The following CADPS2 variants were observed in gnomAD, a reference collection of about 807,000 sequenced individuals.
The protein encoded by CADPS2 is calcium-dependent secretion activator 2.
In CADPS2, 93 loss-of-function variants were observed where a neutral mutation model predicts 172.5. The observed-to-expected ratio is 0.54, with a 90% confidence interval of 0.46 to 0.64. The LOEUF (loss-of-function observed/expected upper bound fraction) is 0.64, where lower values mean the gene tolerates loss of function less well. CADPS2 is among the 30% of genes least tolerant of loss of function. CADPS2 has a pLI of 0.00. For synonymous variants in CADPS2, 546 were observed against 555.2 expected (o/e 0.98, Z 0.23); for missense variants, 1,420 against 1,565.9 (o/e 0.91, Z 1.57).
At chr7:122,574,443 C>CT (rs1217952757) in intron 7 of CADPS2, among the ~76,000 whole-genome samples, 307 of 28,172 alleles carry the variant, frequency 0.011, 18 homozygotes, top group East Asian at 0.02. Flanking sequence ...GAGACCCTGT[C>CT]TTAAAAAAAA....
At chr7:122,360,424 C>T (rs2039970955) in intron 27 of CADPS2, among the ~76,000 whole-genome samples, 1 of 152,178 alleles carries the variant, frequency 6.6e-6, no homozygotes, top group Admixed American at 6.5e-5. Flanking sequence ...TATCATTATT[C>T]TACCTTCTAT....
At chr7:122,877,905 T>C (rs1821646359) in intron 1 of CADPS2, among the ~76,000 whole-genome samples, 1 of 152,162 alleles carries the variant, frequency 6.6e-6, no homozygotes, top group Admixed American at 6.5e-5. Flanking sequence ...AAAGACGAAG[T>C]GCCTTGTTCA....
chr7:122,774,110 CTTTTCAATTACA>C (rs1171497573), intron 1 of CADPS2, among the ~76,000 whole-genome samples: 1 of 151,938 alleles, frequency 6.6e-6, no homozygotes, highest in Non-Finnish European at 1.5e-5. Flanking sequence ...GAAAGAATAA[CTTTTCAATTACA>C]TTTTCAATTT....
Position 122,357,764 on chromosome 7 carries a change from G to C in CADPS2, c.3504+3024C>G, listed in dbSNP as rs895887489. ...CAGCCTTTTCAAATTGGCTACTTTT[G>C]GCAATATGCATTTAAGATTCATCCA... On this transcript the variant is annotated intron_variant, in intron 27 of 29. Transcript: ENST00000449022. 3.9e-5 allele frequency among the ~76,000 whole-genome samples: 6 copies of C among 152,168 alleles called. 1 individual carries two copies. The Middle Eastern group carries it at 0.01, about 259-fold the overall frequency.
chr7:122,823,281 GA>G (rs975222847), intron 1 of CADPS2, among the ~76,000 whole-genome samples: 4 of 152,164 alleles, frequency 2.6e-5, no homozygotes, highest in Admixed American at 6.5e-5. Context: ...ATTTTAGGGG[GA>G]AAAAATCTTC....
chr7:122,873,675 G>A (rs939738398), intron 1 of CADPS2, among the ~76,000 whole-genome samples: 1 of 151,954 alleles, frequency 6.6e-6, no homozygotes, highest in Non-Finnish European at 1.5e-5. Context: ...TAATCCTTTG[G>A]GTATATACCC....
intron 3 of CADPS2, among the ~76,000 whole-genome samples, chr7:122,649,388 G>A (rs2078902633): frequency 6.6e-6 from 1 of 152,098 alleles, no homozygotes; most frequent in Admixed American, 6.6e-5. Context: ...CACCCAACTA[G>A]ACTGTTCCCA....
chr7:122,348,871 C>T (rs960884614), intron 27 of CADPS2, among the ~76,000 whole-genome samples: 2 of 152,052 alleles, frequency 1.3e-5, no homozygotes, highest in African/African-American at 2.4e-5. Flanking sequence ...ATGTAATTTT[C>T]CTTTTAAACA....
At chr7:122,565,686 A>AT (rs1297214574) in intron 7 of CADPS2, among the ~76,000 whole-genome samples, 1 of 152,208 alleles carries the variant, frequency 6.6e-6, no homozygotes, top group East Asian at 1.9e-4. Flanking sequence ...AGAGGTAAAT[A>AT]TTTTTTTCCA....
At chr7:122,871,625 A>T (rs541447900) in intron 1 of CADPS2, among the ~76,000 whole-genome samples, 1 of 152,228 alleles carries the variant, frequency 6.6e-6, no homozygotes, top group African/African-American at 2.4e-5. Flanking sequence ...AATGTCTGAA[A>T]ACGTGGCTTG....
At chr7:122,858,847 A>G (rs1816095214) in intron 1 of CADPS2, among the ~76,000 whole-genome samples, 2 of 152,224 alleles carry the variant, frequency 1.3e-5, no homozygotes, top group African/African-American at 4.8e-5. Context: ...GTGGTATTTA[A>G]GCAAATATGC....
chr7:122,649,457 G>A (rs1588125961), intron 3 of CADPS2, among the ~76,000 whole-genome samples: 1 of 152,146 alleles, frequency 6.6e-6, no homozygotes, highest in Admixed American at 6.5e-5. Flanking sequence ...TGTCAGGCCA[G>A]TGGTCCTCAA....
chr7:122,650,846 A>G (rs1158031103), intron 3 of CADPS2, among the ~76,000 whole-genome samples: 1 of 152,160 alleles, frequency 6.6e-6, no homozygotes, highest in Non-Finnish European at 1.5e-5. Flanking sequence ...AATTAAATCC[A>G]TCCAATTTAC....
At chr7:122,635,271 ATT>A (rs112889293) in intron 3 of CADPS2, among the ~76,000 whole-genome samples, 25 of 149,106 alleles carry the variant, frequency 1.7e-4, no homozygotes, top group African/African-American at 4.7e-4. Context: ...TGTGTGGCTA[ATT>A]TTTTTTTTTA....
At chr7:122,514,724 C>G (rs1208193182) in intron 8 of CADPS2, among the ~76,000 whole-genome samples, 1 of 152,018 alleles carries the variant, frequency 6.6e-6, no homozygotes, top group Non-Finnish European at 1.5e-5. Flanking sequence ...TTATTGGAAA[C>G]TGATAACAAA....
chr7:122,395,818 T>C (rs993176958), intron 20 of CADPS2, among the ~76,000 whole-genome samples: 2 of 152,050 alleles, frequency 1.3e-5, no homozygotes, highest in Non-Finnish European at 2.9e-5. Flanking sequence ...TTTTCTTTTT[T>C]TTTTTTTAGA....
At chr7:122,446,316 A>G (rs1312491217) in intron 15 of CADPS2, among the ~76,000 whole-genome samples, 1 of 152,028 alleles carries the variant, frequency 6.6e-6, no homozygotes, top group Non-Finnish European at 1.5e-5. Flanking sequence ...TGATGTCTAG[A>G]TATTTTTGTA....
chr7:122,333,451 C>T (rs769707109), intron 28 of CADPS2, among the ~76,000 whole-genome samples: 32 of 152,118 alleles, frequency 2.1e-4, no homozygotes, highest in Non-Finnish European at 4.7e-4. Flanking sequence ...ACGGTGCAGT[C>T]CCCCAGGAAC....
chr7:122,656,942 G>T (rs2079874692), intron 3 of CADPS2, among the ~76,000 whole-genome samples: 1 of 152,172 alleles, frequency 6.6e-6, no homozygotes, highest in Non-Finnish European at 1.5e-5. Context: ...ATGGTTTTAG[G>T]TCTAACACTT....
Sources: gnomAD v4.1 joint callset for allele counts (sites outside exome capture counted in the v4.1 genomes callset) on GRCh38, gnomAD v4.1.1 for gene constraint, MANE v1.5 for transcripts, NCBI Gene and HGNC (gene_info 2026-07-23, HGNC 2026-07-21) for gene names.